Variants in SORCS3 observed in about 807,000 individuals in gnomAD.
SORCS3 encodes the protein VPS10 domain-containing receptor SorCS3.
Under a neutral mutation model 146.3 loss-of-function variants are expected in SORCS3, and 57 were observed. The ratio of observed to expected loss-of-function variants is 0.39; its 90% CI spans 0.31 to 0.49. The LOEUF is 0.49. Ranked by LOEUF, SORCS3 falls within the 20% of genes least tolerant of loss-of-function variation. The pLI is 0.92. For synonymous variants in SORCS3, 653 were observed against 618.5 expected, an observed-to-expected ratio of 1.06 and a Z score of -0.83; for missense variants, 1,341 against 1,575.5, an observed-to-expected ratio of 0.85 and a Z score of 2.52.
At chr10:104,642,293 T>G (rs2015433670) in intron 1 of SORCS3, among the ~76,000 whole-genome samples, 1 of 152,044 alleles carries the variant, frequency 6.6e-6, no homozygotes, top group Non-Finnish European at 1.5e-5. Context: ...GCGGGGTGCT[T>G]GAATTCTTGG....
intron 14 of SORCS3, among the ~76,000 whole-genome samples, chr10:105,182,230 C>CTTTTTTTTTTTTTTTTTTTTTTTTT (rs11340368): frequency 1.4e-4 from 10 of 70,486 alleles, no homozygotes; most frequent in Non-Finnish European, 2.4e-4. Context: ...TATTCAGCAT[C>CTTTTTTTTTTTTTTTTTTTTTTTTT]TTTTTTTTTT....
chr10:105,050,572 A>G (rs1564742823), intron 5 of SORCS3, among the ~76,000 whole-genome samples: 1 of 152,124 alleles, frequency 6.6e-6, no homozygotes, highest in Non-Finnish European at 1.5e-5. Flanking sequence ...AAGCCTTCAT[A>G]TGAGACTTCA....
intron 2 of SORCS3, among the ~76,000 whole-genome samples, chr10:104,882,318 C>G (rs1469298757): frequency 1.3e-5 from 2 of 152,096 alleles, no homozygotes; most frequent in Non-Finnish European, 2.9e-5. Flanking sequence ...GGCTTTGAAG[C>G]ATGATCAAAA....
chr10:105,060,348 A>T (rs890580352), intron 5 of SORCS3, among the ~76,000 whole-genome samples: 19 of 150,920 alleles, frequency 1.3e-4, no homozygotes, highest in African/African-American at 4.6e-4. Flanking sequence ...AGAGAGAGAG[A>T]TTGGCCGATA....
At chr10:105,217,785 G>A (rs2056674104) in intron 19 of SORCS3, 1 of 453,780 alleles carries the variant, frequency 2.2e-6, no homozygotes, top group Non-Finnish European at 4.4e-6. Flanking sequence ...TGCATTTTGT[G>A]TATTTTCTAT....
intron 3 of SORCS3, among the ~76,000 whole-genome samples, chr10:104,940,217 T>TATATATATATATATA (rs1383512468): frequency 4.4e-4 from 6 of 13,610 alleles, no homozygotes; most frequent in Admixed American, 7.2e-4. Flanking sequence ...TATATATATA[T>TATATATATATATATA]ATATATATAT....
chr10:104,657,513 T>G (rs1036085257), intron 1 of SORCS3, among the ~76,000 whole-genome samples: 5 of 152,168 alleles, frequency 3.3e-5, no homozygotes, highest in Admixed American at 2.0e-4. Flanking sequence ...TTAGGAGTGT[T>G]TTTTTCGTGG....
chr10:105,223,284 T>G, intron 20 of SORCS3, 35 bp downstream of exon 20: 1 of 1,557,726 alleles, frequency 6.4e-7, no homozygotes, highest in Non-Finnish European at 8.7e-7. Context: ...AAATTAGATC[T>G]GTACTGAATG....
intron 5 of SORCS3, among the ~76,000 whole-genome samples, chr10:105,051,170 A>G (rs2055409715): frequency 1.3e-5 from 2 of 152,180 alleles, no homozygotes; most frequent in South Asian, 4.1e-4. Flanking sequence ...GTACATATAC[A>G]CACACAAGGC....
At chr10:105,036,393 G>T (rs926827681) in intron 4 of SORCS3, among the ~76,000 whole-genome samples, 4 of 152,138 alleles carry the variant, frequency 2.6e-5, no homozygotes, top group African/African-American at 9.7e-5. Flanking sequence ...CTGGAGATCA[G>T]GGAACCTTGT....
intron 1 of SORCS3, among the ~76,000 whole-genome samples, chr10:104,690,598 G>A (rs923041839): frequency 3.3e-5 from 5 of 152,140 alleles, no homozygotes; most frequent in African/African-American, 9.7e-5. Context: ...CAGAGGTGTG[G>A]GCTTTTGTGT....
chr10:105,117,837 T>G (rs1478888171), intron 7 of SORCS3, among the ~76,000 whole-genome samples: 1 of 152,214 alleles, frequency 6.6e-6, no homozygotes, highest in Non-Finnish European at 1.5e-5. Flanking sequence ...TGCCTCTCAA[T>G]AATTAACATA....
At chr10:105,062,134 T>C (rs1352908432) in intron 5 of SORCS3, among the ~76,000 whole-genome samples, 1 of 152,210 alleles carries the variant, frequency 6.6e-6, no homozygotes, top group African/African-American at 2.4e-5. Context: ...AAATAATACA[T>C]GAATAGCAAT....
chr10:105,214,316 C>T (rs182438830), intron 17 of SORCS3, 126 bp from the exon 18 acceptor site: 23 of 981,100 alleles, frequency 2.3e-5, no homozygotes, highest in Admixed American at 6.5e-5. Flanking sequence ...TTCCAGGGGC[C>T]GCTGTGTGAA....
At chr10:105,170,955 AT>A (rs1302451673) in intron 13 of SORCS3, among the ~76,000 whole-genome samples, 1 of 152,154 alleles carries the variant, frequency 6.6e-6, no homozygotes, top group Admixed American at 6.5e-5. Flanking sequence ...AACAAAGCTC[AT>A]TTTAAGAGGA....
intron 9 of SORCS3, among the ~76,000 whole-genome samples, chr10:105,154,618 A>G (rs1335132657): frequency 1.3e-5 from 2 of 152,238 alleles, no homozygotes; most frequent in African/African-American, 4.8e-5. Flanking sequence ...AAGTATGTTT[A>G]AAGTTAATTC....
At chr10:104,696,023 A>T (rs1174399180) in intron 1 of SORCS3, among the ~76,000 whole-genome samples, 1 of 135,902 alleles carries the variant, frequency 7.4e-6, no homozygotes, top group African/African-American at 2.8e-5. Flanking sequence ...TATATATCAT[A>T]TACACATATA....
At chr10:104,705,513 G>T (rs1231964060) in intron 1 of SORCS3, among the ~76,000 whole-genome samples, 4 of 151,974 alleles carry the variant, frequency 2.6e-5, no homozygotes, top group African/African-American at 9.7e-5. Flanking sequence ...AGCTTTTATT[G>T]GTACTCATCT....
intron 19 of SORCS3, among the ~76,000 whole-genome samples, chr10:105,219,480 G>C (rs574137138): frequency 2.6e-5 from 4 of 152,268 alleles, no homozygotes; most frequent in Admixed American, 1.3e-4. Context: ...AAACCATACT[G>C]TTTTCAAGAA....
Sources: allele counts gnomAD v4.1 joint callset (sites outside exome capture counted in the v4.1 genomes callset), GRCh38; gene constraint gnomAD v4.1.1; transcripts MANE v1.5; gene names NCBI Gene and HGNC (gene_info 2026-07-23, HGNC 2026-07-21).